The following SYT17 variants were observed in gnomAD, a reference collection of about 807,000 sequenced individuals.
The protein encoded by SYT17 is synaptotagmin 17, also known as synaptotagmin-17.
Under a neutral mutation model 46.7 loss-of-function variants are expected in SYT17, and 22 were observed. The observed-to-expected ratio is 0.47, with a 90% CI of 0.34 to 0.67. SYT17 has a LOEUF of 0.67. SYT17 is among the 30% of genes least tolerant of loss of function. The probability of loss-of-function intolerance (pLI) is 0.01; values close to 1 mark genes in which losing one functional copy is unlikely to be tolerated. For synonymous variants in SYT17, 251 were observed against 248.4 expected (o/e 1.01, Z -0.10); for missense variants, 519 against 612.8 (o/e 0.85, Z 1.62).
At chr16:19,253,894 ATTT>A (rs1306777896) in intron 7 of SYT17, among the ~76,000 whole-genome samples, 4 of 152,022 alleles carry the variant, frequency 2.6e-5, no homozygotes, top group African/African-American at 9.6e-5. Context: ...TGCCTGGCTA[ATTT>A]TTTGTATTTT....
At position 19,227,187 on chromosome 16, in the gene SYT17, T is replaced by C. The variant is rs139770905; in HGVS notation, c.1228+2349T>C. On this transcript the variant is annotated intron_variant, in intron 7 of 7. Transcript: ENST00000355377. ...CCACCCATAGTAAGCACTCTAGAAC[T>C]GTTAACTGTTATTAAAGGGAAAGTT... Among the ~76,000 whole-genome samples, 64 of 152,326 alleles carry C rather than the reference T, an allele frequency of 4.2e-4. No homozygotes were observed. In the East Asian group the frequency reaches 0.012, roughly 28 times the overall value.
chr16:19,256,659 A>G (rs1202042267), intron 7 of SYT17, among the ~76,000 whole-genome samples: 4 of 151,632 alleles, frequency 2.6e-5, no homozygotes, highest in Admixed American at 2.6e-4. Context: ...CCTCACTGCA[A>G]TCTCAACCTC....
intron 7 of SYT17, among the ~76,000 whole-genome samples, chr16:19,260,790 G>A (rs1968922764): frequency 6.6e-6 from 1 of 152,108 alleles, no homozygotes; most frequent in Non-Finnish European, 1.5e-5. Context: ...TTTGGTGGAG[G>A]TACTTTACAA....
At chr16:19,180,365 T>C in intron 3 of SYT17, 26 bp from the exon 4 acceptor site, 1 of 1,612,934 alleles carries the variant, frequency 6.2e-7, no homozygotes, top group Non-Finnish European at 8.5e-7. Context: ...CCTGGACAGC[T>C]ACTGAGACCT....
At chr16:19,223,382 A>C (rs1365130357) in intron 6 of SYT17, among the ~76,000 whole-genome samples, 1 of 152,172 alleles carries the variant, frequency 6.6e-6, no homozygotes. Context: ...GAACCCAAGG[A>C]AGTGACTTGG....
intron 7 of SYT17, among the ~76,000 whole-genome samples, chr16:19,246,048 C>T (rs536525871): frequency 2.5e-4 from 38 of 151,326 alleles, no homozygotes; most frequent in Non-Finnish European, 3.2e-4. Flanking sequence ...CTCTGTCATC[C>T]GGGCTGGAGT....
At chr16:19,186,661 T>C (rs891504239) in intron 5 of SYT17, among the ~76,000 whole-genome samples, 4 of 152,254 alleles carry the variant, frequency 2.6e-5, no homozygotes, top group African/African-American at 7.2e-5. Context: ...TTGACTCAAG[T>C]CCTGGCTGTA....
intron 7 of SYT17, among the ~76,000 whole-genome samples, chr16:19,243,005 C>T (rs1251823990): frequency 6.6e-6 from 1 of 152,158 alleles, no homozygotes; most frequent in Non-Finnish European, 1.5e-5. Context: ...CTCTCTCTTC[C>T]TATTTGTGAG....
intron 7 of SYT17, among the ~76,000 whole-genome samples, chr16:19,261,413 T>C (rs1275829210): frequency 2.6e-5 from 4 of 152,218 alleles, no homozygotes; most frequent in Non-Finnish European, 5.9e-5. Flanking sequence ...ACTCAAGCGC[T>C]CCCACCTTTC....
chr16:19,184,152 G>A lies in SYT17; in HGVS notation c.951+5G>A. 6.2e-7 allele frequency: 1 copy of A among 1,611,296 alleles called. No individual in the cohort carries two copies. The highest frequency in any genetic ancestry group is 8.5e-7 in the Non-Finnish European group (1 of 1,177,686). ...GCGCTGATTCCCAGTTCTCAGGTAA[G>A]GGATGGGTTTGTGGTGTTTCCTCCT... On this transcript the variant is annotated splice_donor_5th_base_variant and intron_variant, in intron 5 of 7. Transcript: ENST00000355377.
intron 7 of SYT17, among the ~76,000 whole-genome samples, chr16:19,238,706 G>A (rs905431972): frequency 5.3e-5 from 8 of 152,192 alleles, no homozygotes; most frequent in Non-Finnish European, 7.3e-5. Context: ...TCGGGGAGCT[G>A]AGGGTTTATC....
At chr16:19,219,447 T>A (rs908510648) in intron 5 of SYT17, among the ~76,000 whole-genome samples, 87 of 3,560 alleles carry the variant, frequency 0.024, 1 homozygote, top group East Asian at 0.076. Flanking sequence ...AAAAAAAAAA[T>A]AATAATAATA....
intron 7 of SYT17, among the ~76,000 whole-genome samples, chr16:19,243,018 G>A (rs575668058): frequency 4.9e-4 from 74 of 152,212 alleles, no homozygotes; most frequent in African/African-American, 1.3e-3. Context: ...TTTGTGAGTC[G>A]ACATGAAAAC....
At chr16:19,209,261 A>G (rs1417414946) in intron 5 of SYT17, among the ~76,000 whole-genome samples, 2 of 152,182 alleles carry the variant, frequency 1.3e-5, no homozygotes, top group Admixed American at 6.5e-5. Flanking sequence ...CAACCCATAA[A>G]AACATGTAAT....
intron 5 of SYT17, among the ~76,000 whole-genome samples, chr16:19,218,386 C>T (rs1485319743): frequency 6.6e-6 from 1 of 152,098 alleles, no homozygotes; most frequent in East Asian, 1.9e-4. Context: ...AAACAGTGGC[C>T]GGATCAATGG....
chr16:19,226,802 A>G (rs1344995498), intron 7 of SYT17, among the ~76,000 whole-genome samples: 1 of 152,218 alleles, frequency 6.6e-6, no homozygotes. Context: ...GGGACCTCCT[A>G]TTGTAAGCTT....
intron 7 of SYT17, chr16:19,250,053 A>G (rs1444847828): frequency 3.9e-6 from 6 of 1,534,476 alleles, no homozygotes; most frequent in Non-Finnish European, 5.2e-6. Context: ...AGAAGCAAGT[A>G]AAGGCAATAA....
At chr16:19,222,210 G>A (rs1046864627) in intron 5 of SYT17, among the ~76,000 whole-genome samples, 2 of 152,188 alleles carry the variant, frequency 1.3e-5, no homozygotes, top group Non-Finnish European at 1.5e-5. Flanking sequence ...GCAAAATGTC[G>A]ATAATTGTTA....
At chr16:19,179,437 A>G (rs971335729) in intron 3 of SYT17, among the ~76,000 whole-genome samples, 3 of 152,112 alleles carry the variant, frequency 2.0e-5, no homozygotes, top group East Asian at 1.9e-4. Context: ...CACCATGCCC[A>G]GCCAACTTTC....
Sources: allele counts gnomAD v4.1 joint callset (sites outside exome capture counted in the v4.1 genomes callset), GRCh38; gene constraint gnomAD v4.1.1; transcripts MANE v1.5; gene names NCBI Gene and HGNC (gene_info 2026-07-23, HGNC 2026-07-21).